PKHD1L1: variants seen among roughly 807,000 people sequenced by gnomAD.
PKHD1L1 encodes the protein fibrocystin-L.
Under a neutral mutation model 462.9 loss-of-function variants are expected in PKHD1L1, and 434 were observed. The observed-to-expected ratio is 0.94, with a 90% CI of 0.87 to 1.02. PKHD1L1 has a LOEUF of 1.02. Among genes scored for constraint, PKHD1L1 ranks in the 50% least tolerant of loss-of-function variants. PKHD1L1 has a pLI of 0.00. For synonymous variants in PKHD1L1, 1,781 were observed against 1,750.0 expected, an observed-to-expected ratio of 1.02 and a Z score of -0.44; for missense variants, 5,202 against 5,096.1, an observed-to-expected ratio of 1.02 and a Z score of -0.63.
chr8:109,386,915 T>C (rs1812471584), intron 6 of PKHD1L1, among the ~76,000 whole-genome samples: 2 of 152,174 alleles, frequency 1.3e-5, no homozygotes, highest in South Asian at 4.1e-4. Flanking sequence ...AATCACAGAA[T>C]TGCAGTGAGA....
chr8:109,520,239 G>A (rs1433050526), intron 73 of PKHD1L1, among the ~76,000 whole-genome samples: 1 of 152,066 alleles, frequency 6.6e-6, no homozygotes, highest in Admixed American at 6.6e-5. Flanking sequence ...TGGACTTACA[G>A]GCTCAGGGTT....
rs375540407 is a variant in PKHD1L1, at chr8:109,485,110, G to A, written c.9643G>A (p.Val3215Ile). Residue 3215 changes from valine to isoleucine, a missense_variant, in exon 58 of 78, where the codon GTT becomes ATT. Coordinates refer to ENST00000378402, the MANE Select transcript of PKHD1L1 (RefSeq NM_177531.6). ...DFHQTETRSI[V>I]KILHDHKILI... ...CCACCAGACAGAAACAAGAAGTATC[G>A]TTAAAATCCTGCATGATCATAAAAT... 5.1e-5 allele frequency: 82 copies of A among 1,600,320 alleles called. No individual in the cohort carries two copies. The highest frequency in any genetic ancestry group is 3.3e-4 in the Middle Eastern group (2 of 6,030).
At chr8:109,379,606 C>T (rs1158195684) in intron 2 of PKHD1L1, among the ~76,000 whole-genome samples, 2 of 152,142 alleles carry the variant, frequency 1.3e-5, no homozygotes, top group Non-Finnish European at 2.9e-5. Flanking sequence ...TAGACAGATG[C>T]ATGGAGCTGG....
chr8:109,435,518 C>A (rs1815359478), intron 29 of PKHD1L1, among the ~76,000 whole-genome samples, 164 bp downstream of exon 29: 1 of 152,198 alleles, frequency 6.6e-6, no homozygotes, highest in East Asian at 1.9e-4. Flanking sequence ...CTGACTAATT[C>A]TTTTGTTTCT....
At chr8:109,498,968 G>A (rs1819265921) in intron 67 of PKHD1L1, 197 bp downstream of exon 67, 1 of 538,212 alleles carries the variant, frequency 1.9e-6, no homozygotes, top group Non-Finnish European at 3.2e-6. Flanking sequence ...ACTGTATGTT[G>A]AAGAATTGAT....
chr8:109,465,702 C>T (rs1817403633), intron 49 of PKHD1L1, among the ~76,000 whole-genome samples: 1 of 152,158 alleles, frequency 6.6e-6, no homozygotes. Flanking sequence ...CTGTATCTAT[C>T]CTTGCGAAAA....
At chr8:109,478,729 A>G (rs1586593889) in intron 53 of PKHD1L1, among the ~76,000 whole-genome samples, 2 of 152,162 alleles carry the variant, frequency 1.3e-5, no homozygotes, top group Non-Finnish European at 2.9e-5. Context: ...TATGACTACT[A>G]TAACAGATTT....
At chr8:109,516,010 T>C (rs962307300) in intron 72 of PKHD1L1, among the ~76,000 whole-genome samples, 1 of 152,124 alleles carries the variant, frequency 6.6e-6, no homozygotes, top group Non-Finnish European at 1.5e-5. Flanking sequence ...AAAATATGAA[T>C]GGGTAATCTG....
At chr8:109,459,923 T>C (rs1467588713) in intron 47 of PKHD1L1, 87 bp downstream of exon 47, 5 of 1,106,808 alleles carry the variant, frequency 4.5e-6, no homozygotes, top group African/African-American at 3.2e-5. Context: ...ATTATTTCAA[T>C]GTATTTCATT....
chr8:109,452,915 A>C, intron 43 of PKHD1L1, 41 bp downstream of exon 43: 1 of 1,293,508 alleles, frequency 7.7e-7, no homozygotes, highest in Non-Finnish European at 1.0e-6. Context: ...CTGCCTGATA[A>C]ATATTTCTGT....
intron 65 of PKHD1L1, among the ~76,000 whole-genome samples, chr8:109,497,822 G>GT (rs1002689133): frequency 6.6e-6 from 1 of 151,896 alleles, no homozygotes; most frequent in Non-Finnish European, 1.5e-5. Context: ...CCTCTATGAA[G>GT]TTTTTTCTGA....
intron 21 of PKHD1L1, among the ~76,000 whole-genome samples, chr8:109,414,494 T>G (rs904124525): frequency 6.6e-6 from 1 of 152,184 alleles, no homozygotes; most frequent in African/African-American, 2.4e-5. Flanking sequence ...TTCCTTTTTT[T>G]TTTGCTTTTT....
intron 59 of PKHD1L1, among the ~76,000 whole-genome samples, chr8:109,489,653 G>A (rs186962035): frequency 2.9e-4 from 44 of 151,888 alleles, no homozygotes; most frequent in African/African-American, 6.3e-4. Flanking sequence ...GGCAAAAAAC[G>A]TAGGTATTAC....
chr8:109,403,114 C>G (rs1454273812), intron 14 of PKHD1L1, among the ~76,000 whole-genome samples: 1 of 152,112 alleles, frequency 6.6e-6, no homozygotes, highest in African/African-American at 2.4e-5. Flanking sequence ...TGAATGAAAG[C>G]AACTCCTAAT....
At chr8:109,488,110 T>C (rs1251587860) in intron 59 of PKHD1L1, among the ~76,000 whole-genome samples, 1 of 151,946 alleles carries the variant, frequency 6.6e-6, no homozygotes, top group Non-Finnish European at 1.5e-5. Flanking sequence ...TTCTCATTTA[T>C]AATAAAGAAA....
chr8:109,444,109 A>G (rs1478882679), intron 37 of PKHD1L1, among the ~76,000 whole-genome samples: 3 of 113,982 alleles, frequency 2.6e-5, no homozygotes, highest in Non-Finnish European at 5.3e-5. Flanking sequence ...GAACATTTTC[A>G]TTACCTCCCC....
In PKHD1L1 at chr8:109,508,157, G is replaced by T; in HGVS notation, c.11288G>T (p.Gly3763Val). The T allele has an allele frequency of 6.2e-7, 1 of 1,612,950 alleles. No individual in the cohort carries two copies. Among genetic ancestry groups the T allele is most frequent in the Non-Finnish European group, 8.5e-7 (1 of 1,179,206 alleles). ...LPEWQSYQCF[G>V]MEYAMMVIES... ...GAGTGGCAGAGCTATCAGTGCTTTGGGATGGAATATGCAATGATGGTTATT... is the reference window on the plus strand; with the variant it reads ...GAGTGGCAGAGCTATCAGTGCTTTGTGATGGAATATGCAATGATGGTTATT... The change falls in exon 70 of 78, where the codon GGG becomes GTG. Residue 3763 changes from glycine to valine, a missense_variant. This residue lies in a region of PKHD1L1 where 698 missense variants were observed against 736.3 expected (regional missense o/e 0.95). Coordinates refer to ENST00000378402, the MANE Select transcript of PKHD1L1 (RefSeq NM_177531.6).
At chr8:109,505,768 G>A (rs1344209573) in intron 68 of PKHD1L1, among the ~76,000 whole-genome samples, 3 of 151,296 alleles carry the variant, frequency 2.0e-5, no homozygotes, top group South Asian at 2.1e-4. Context: ...AGCTGGGTGT[G>A]GTGGTGTACA....
chr8:109,485,197 A>C (rs561499644), intron 58 of PKHD1L1, 24 bp downstream of exon 58: 6 of 1,501,060 alleles, frequency 4.0e-6, no homozygotes, highest in African/African-American at 2.8e-5. Flanking sequence ...TTTTAACCAA[A>C]TAGATATATA....
Sources: allele counts gnomAD v4.1 joint callset (sites outside exome capture counted in the v4.1 genomes callset), GRCh38; gene constraint gnomAD v4.1.1; regional missense constraint gnomAD v4.1.1; transcripts MANE v1.5; gene names NCBI Gene and HGNC (gene_info 2026-07-23, HGNC 2026-07-21).